DHRS12: variants seen among roughly 807,000 people sequenced by gnomAD.
DHRS12 encodes dehydrogenase/reductase 12.
In DHRS12, 29 loss-of-function variants were observed where a neutral mutation model predicts 32.1. The observed-to-expected ratio is 0.90, with a 90% CI of 0.67 to 1.23. DHRS12 has a LOEUF of 1.23. DHRS12 is among the 50% of genes most tolerant of loss of function. DHRS12 has a pLI of 0.00. For synonymous variants in DHRS12, 150 were observed against 135.9 expected, an observed-to-expected ratio of 1.10 and a Z score of -0.72; for missense variants, 330 against 337.2, an observed-to-expected ratio of 0.98 and a Z score of 0.17.
At chr13:51,755,233 T>G in the DHRS12 span, 13 of 873,116 alleles carry the variant, frequency 1.5e-5, no homozygotes, top group South Asian at 2.1e-4. Context: ...AATGATTGAC[T>G]GAGAAATCAC....
At position 51,771,380 on chromosome 13, in the gene DHRS12, G is replaced by C. The variant is rs370679809; in HGVS notation, c.559+441C>G. Reference sequence around the variant, plus strand: ...TCCAACACGCTTCCAGATCATTCGAGCTGTGTCCTTGTGGCTGGCATTTAC... The same window carrying C: ...TCCAACACGCTTCCAGATCATTCGACCTGTGTCCTTGTGGCTGGCATTTAC... On this transcript the variant is annotated intron_variant, in intron 7 of 8. Transcript: ENST00000444610. The C allele has an allele frequency of 3.7e-6, 6 of 1,614,026 alleles. No homozygotes were observed. The South Asian group carries it at 6.6e-5, about 18-fold the overall frequency.
At chr13:51,790,762 C>T (rs1487985133) in intron 3 of DHRS12, among the ~76,000 whole-genome samples, 2 of 152,140 alleles carry the variant, frequency 1.3e-5, no homozygotes, top group African/African-American at 2.4e-5. Context: ...TACCCAGGCT[C>T]TCCATGGAGT....
At chr13:51,786,630 C>A (rs1413440746) in intron 4 of DHRS12, among the ~76,000 whole-genome samples, 1 of 152,220 alleles carries the variant, frequency 6.6e-6, no homozygotes, top group Non-Finnish European at 1.5e-5. Flanking sequence ...AAGAATTATT[C>A]TTTCCAAACT....
At chr13:51,759,101 A>C in the DHRS12 span, among the ~76,000 whole-genome samples, 1 of 152,184 alleles carries the variant, frequency 6.6e-6, no homozygotes, top group South Asian at 2.1e-4. Context: ...GAATTACTTG[A>C]GCCCAGTAAG....
At chr13:51,766,444 G>T (rs1953752316), downstream of DHRS12, 1 of 152,140 alleles carries the variant, frequency 6.6e-6, no homozygotes. Context: ...TTTTTAAAGT[G>T]AGGAGATTCT....
At chr13:51,771,039 A>C in intron 7 of DHRS12, 3 of 1,429,024 alleles carry the variant, frequency 2.1e-6, no homozygotes, top group Non-Finnish European at 2.7e-6. Flanking sequence ...TGATTCCCAA[A>C]ACCCCATGGC....
chr13:51,762,912 A>C, the DHRS12 span: 1 of 152,242 alleles, frequency 6.6e-6, no homozygotes, highest in Non-Finnish European at 1.5e-5. Context: ...ATTACTTGAC[A>C]TTACTGCCTG....
chr13:51,788,192 T>C (rs1387359301), intron 4 of DHRS12, among the ~76,000 whole-genome samples: 1 of 151,886 alleles, frequency 6.6e-6, no homozygotes, highest in Admixed American at 6.6e-5. Flanking sequence ...CTCTGCAAAT[T>C]ATGTAACCAG....
intron 7 of DHRS12, chr13:51,771,104 A>C: frequency 6.8e-7 from 1 of 1,468,820 alleles, no homozygotes; most frequent in Non-Finnish European, 9.0e-7. Context: ...TCATCTGTAA[A>C]TGGGTGTGAT....
At chr13:51,769,377 AGTGC>A in intron 7 of DHRS12, 84 bp from the exon 8 acceptor site, 29 of 1,058,858 alleles carry the variant, frequency 2.7e-5, no homozygotes, top group Non-Finnish European at 3.7e-5. Flanking sequence ...AAAAAAAAAA[AGTGC>A]AAAAATGAAA....
rs1417445320 is a variant in DHRS12 at position 51,782,652 on chromosome 13, A to C, written c.302-5531T>G. Among the ~76,000 whole-genome samples the C allele has an allele frequency of 6.6e-6, 1 of 152,186 alleles. No individual in the cohort carries two copies. Among genetic ancestry groups the C allele is most frequent in the Non-Finnish European group, 1.5e-5 (1 of 68,028 alleles). ...CTGTGCAGGCTTTTCTCCAGGGCCT[A>C]GCCAGGTGACTGATGTCACCCCCTG... On this transcript the variant is annotated intron_variant, in intron 4 of 8. Transcript: ENST00000444610. This position sits in a 1 kb window ranked among gnomAD's most constrained non-coding sequence, Gnocchi z 4.2.
At chr13:51,798,124 C>T (rs1955592193) in intron 2 of DHRS12, among the ~76,000 whole-genome samples, 2 of 152,128 alleles carry the variant, frequency 1.3e-5, no homozygotes, top group African/African-American at 4.8e-5. Flanking sequence ...GGAATAACAT[C>T]CTGATTTTTT....
the DHRS12 span, chr13:51,760,604 C>T: frequency 8.5e-5 from 13 of 152,270 alleles, no homozygotes; most frequent in Admixed American, 5.9e-4. Flanking sequence ...TTTGACGCAG[C>T]TCTCCCTCAC....
chr13:51,756,617 A>G, the DHRS12 span: 83 of 985,098 alleles, frequency 8.4e-5, no homozygotes, highest in Non-Finnish European at 9.9e-5. Flanking sequence ...TTTGCCACCA[A>G]GAGATTTGTG....
intron 4 of DHRS12, among the ~76,000 whole-genome samples, chr13:51,785,977 C>A (rs1324335813): frequency 6.6e-6 from 1 of 152,244 alleles, no homozygotes; most frequent in Non-Finnish European, 1.5e-5. Flanking sequence ...GTGCAGCCTG[C>A]AGCACAGGGA....
intron 6 of DHRS12, among the ~76,000 whole-genome samples, chr13:51,772,213 C>T (rs1457096916): frequency 6.6e-6 from 1 of 152,170 alleles, no homozygotes; most frequent in African/African-American, 2.4e-5. Context: ...CCAGGTGTTC[C>T]TCGTCCACAA....
At position 51,769,164 on chromosome 13, in the gene DHRS12, A is replaced by C; in HGVS notation, c.689T>G (p.Phe230Cys). The stretch of plus-strand genomic sequence containing the variant: ...GCCAGGGAGGAAGTCACCTTGAAAG[A>C]AGCGGCCGCTGGGCTGTGCGGCTGC... ...SAAAAQPSGR[F>C]FQDRKPVSTH... Residue 230 changes from phenylalanine to cysteine, a missense_variant, in exon 8 of 9, where the codon TTC becomes TGC. Transcript: ENST00000444610. 1.9e-6 allele frequency: 3 copies of C among 1,549,896 alleles called. No homozygotes were observed. The highest frequency in any genetic ancestry group is 2.0e-5 in the Admixed American group (1 of 51,072).
At chr13:51,789,645 CCCACT>C (rs1475191905) in intron 4 of DHRS12, 1 of 985,308 alleles carries the variant, frequency 1.0e-6, no homozygotes, top group Non-Finnish European at 1.2e-6. Context: ...CATCTTCTTG[CCCACT>C]GGTTGCACCT....
At position 51,789,909 on chromosome 13, in the gene DHRS12, A is replaced by G. The variant is rs1955185492; in HGVS notation, c.301+102T>C. On this transcript the variant is annotated intron_variant, in intron 4 of 8. Coordinates refer to ENST00000444610, the MANE Select transcript of DHRS12 (RefSeq NM_001377533.1). The stretch of plus-strand genomic sequence containing the variant: ...ACTTAAAGCAAACGTCATCAGGCCC[A>G]GGACCAAGAACCAAAAAAGTTGGTC... The G allele has an allele frequency of 2.1e-6, 3 of 1,417,482 alleles. No individual in the cohort carries two copies. In the African/African-American group the frequency reaches 4.4e-5, roughly 21 times the overall value. 87.8% of individuals were successfully genotyped at this position (1,417,482 alleles called of 1,614,324 possible).
Sources: allele counts gnomAD v4.1 joint callset (sites outside exome capture counted in the v4.1 genomes callset), GRCh38; gene constraint gnomAD v4.1.1; non-coding constraint Gnocchi (gnomAD v3.1); transcripts MANE v1.5; gene names NCBI Gene and HGNC (gene_info 2026-07-23, HGNC 2026-07-21).